The following MYT1L variants were observed in gnomAD, a reference collection of about 807,000 sequenced individuals.
MYT1L encodes myelin transcription factor 1-like protein.
A neutral mutation model predicts 126.7 loss-of-function variants in MYT1L; 12 were observed. That is an observed-to-expected ratio of 0.09 (90% CI 0.06 to 0.15). The LOEUF (loss-of-function observed/expected upper bound fraction) is 0.15, where lower values mean the gene tolerates loss of function less well. Ranked by LOEUF, MYT1L falls within the 10% of genes least tolerant of loss-of-function variation. The probability of loss-of-function intolerance (pLI) is 1.00; values close to 1 mark genes in which losing one functional copy is unlikely to be tolerated. For missense variants in MYT1L, 979 were observed against 1,585.2 expected (o/e 0.62, Z 6.49); for synonymous variants, 541 against 604.2 (o/e 0.90, Z 1.53).
intron 18 of MYT1L, among the ~76,000 whole-genome samples, chr2:1,874,405 T>C (rs188480212): frequency 5.4e-4 from 83 of 152,296 alleles, no homozygotes; most frequent in Admixed American, 3.5e-3. Flanking sequence ...TTGGTTAAGA[T>C]TGTCAAACTC....
chr2:2,322,268 C>G (rs1156936201), intron 1 of MYT1L, among the ~76,000 whole-genome samples: 1 of 151,616 alleles, frequency 6.6e-6, no homozygotes, highest in Non-Finnish European at 1.5e-5. Context: ...CCACACTGTC[C>G]AATGTTGCCT....
At position 2,130,645 on chromosome 2, in the gene MYT1L, G is replaced by A. The variant is rs112913048; in HGVS notation, c.-304+42227C>T. Among the ~76,000 whole-genome samples the A allele has an allele frequency of 5.3e-3, 813 of 152,240 alleles. 3 individuals carry two copies. Among genetic ancestry groups the A allele is most frequent in the South Asian group, 7.7e-3 (37 of 4,816 alleles). ...GCAGGTCATTTTGACCCAGAGAGGC[G>A]TCTGTATACATAATGGAGTAAGAAC... On this transcript the variant is annotated intron_variant, in intron 3 of 24. Coordinates refer to ENST00000647738, the MANE Select transcript of MYT1L (RefSeq NM_001303052.2).
intron 18 of MYT1L, among the ~76,000 whole-genome samples, chr2:1,869,017 CACTG>C (rs2045944380): frequency 6.6e-6 from 1 of 152,258 alleles, no homozygotes; most frequent in Non-Finnish European, 1.5e-5. Flanking sequence ...CACCAGCTGT[CACTG>C]AGCTTCCGCA....
chr2:1,902,340 A>C (rs966503966), intron 14 of MYT1L, among the ~76,000 whole-genome samples: 1 of 152,232 alleles, frequency 6.6e-6, no homozygotes, highest in Non-Finnish European at 1.5e-5. Context: ...TTGGTGCCAC[A>C]GCTGCCACAA....
intron 2 of MYT1L, among the ~76,000 whole-genome samples, chr2:2,283,257 T>TGAATTTCC (rs1261402314): frequency 1.3e-5 from 2 of 152,242 alleles, no homozygotes; most frequent in Non-Finnish European, 2.9e-5. Context: ...ACTGAATTTT[T>TGAATTTCC]GAATTTCCAG....
chr2:1,878,137 AC>A (rs1486475372), intron 18 of MYT1L, among the ~76,000 whole-genome samples: 1 of 152,204 alleles, frequency 6.6e-6, no homozygotes, highest in African/African-American at 2.4e-5. Context: ...ATGGTTTTTC[AC>A]AATAGTGTAA....
intron 2 of MYT1L, among the ~76,000 whole-genome samples, chr2:2,249,922 G>T (rs62118672): frequency 2.0e-5 from 3 of 152,040 alleles, no homozygotes; most frequent in African/African-American, 4.8e-5. Flanking sequence ...ATGAAAAGGT[G>T]TTCAACATTA....
chr2:2,319,936 C>T (rs1435038790), intron 1 of MYT1L, among the ~76,000 whole-genome samples: 1 of 152,066 alleles, frequency 6.6e-6, no homozygotes, highest in East Asian at 1.9e-4. Context: ...AAGGGAGGTG[C>T]TGACCTTAAG....
At chr2:1,930,200 C>T (rs1434367036) in intron 9 of MYT1L, among the ~76,000 whole-genome samples, 1 of 152,204 alleles carries the variant, frequency 6.6e-6, no homozygotes, top group African/African-American at 2.4e-5. Flanking sequence ...CTAAGTGCTA[C>T]ATGACACATT....
chr2:1,922,178 T>C lies in MYT1L; in HGVS notation c.1483+108A>G. 1 of 1,381,816 alleles carries C rather than the reference T, an allele frequency of 7.2e-7. No individual in the cohort carries two copies. The highest frequency in any genetic ancestry group is 2.4e-5 in the Admixed American group (1 of 41,482). 85.6% of individuals were successfully genotyped at this position (1,381,816 alleles called of 1,614,324 possible). On this transcript the variant is annotated intron_variant, in intron 10 of 24. Coordinates refer to ENST00000647738, the MANE Select transcript of MYT1L (RefSeq NM_001303052.2). The surrounding 1 kb of genome is among the most constrained non-coding windows in gnomAD (Gnocchi z 7.4). ...TGGAATCAACTCTAAGAATGTGCAGTAGAGACATAATTCAGTGTGAGTCAC... is the reference window on the plus strand; with the variant it reads ...TGGAATCAACTCTAAGAATGTGCAGCAGAGACATAATTCAGTGTGAGTCAC...
At chr2:1,897,164 A>G (rs1421669214) in intron 14 of MYT1L, among the ~76,000 whole-genome samples, 1 of 152,268 alleles carries the variant, frequency 6.6e-6, no homozygotes, top group Non-Finnish European at 1.5e-5. Flanking sequence ...TAAAACAAAA[A>G]TAAAAATAAG....
intron 2 of MYT1L, among the ~76,000 whole-genome samples, chr2:2,215,656 G>T (rs2148937940): frequency 6.6e-6 from 1 of 152,292 alleles, no homozygotes; most frequent in South Asian, 2.1e-4. Flanking sequence ...GATATAAGAG[G>T]TTTGAACACT....
chr2:1,851,102 T>G (rs2043207496), intron 19 of MYT1L, among the ~76,000 whole-genome samples: 1 of 152,184 alleles, frequency 6.6e-6, no homozygotes, highest in Non-Finnish European at 1.5e-5. Flanking sequence ...TGGTATAGAA[T>G]TTTTGTTATC....
rs1241201488 is a variant in MYT1L, at chr2:2,194,079, C to A, written c.-420-21091G>T. Among the ~76,000 whole-genome samples the A allele has an allele frequency of 2.0e-5, 3 of 150,774 alleles. No individual in the cohort carries two copies. The East Asian group carries it at 5.8e-4, about 29-fold the overall frequency. On this transcript the variant is annotated intron_variant, in intron 2 of 24. Transcript: ENST00000647738. The stretch of plus-strand genomic sequence containing the variant: ...TGATGGTTATTTTATAGCTATTATT[C>A]ATATATATATATATTTTTGAGATGG...
At chr2:2,070,109 A>G (rs771891916) in intron 3 of MYT1L, among the ~76,000 whole-genome samples, 9 of 152,066 alleles carry the variant, frequency 5.9e-5, no homozygotes, top group Non-Finnish European at 1.0e-4. Context: ...GAAAAATAAA[A>G]CAAAAATCTA....
intron 2 of MYT1L, among the ~76,000 whole-genome samples, chr2:2,267,800 T>C (rs1255535062): frequency 1.3e-5 from 2 of 152,034 alleles, no homozygotes; most frequent in South Asian, 4.2e-4. Context: ...GGATGTGAAA[T>C]TCGGCTGTGA....
At chr2:2,013,756 C>G (rs1574513571) in intron 4 of MYT1L, among the ~76,000 whole-genome samples, 1 of 152,224 alleles carries the variant, frequency 6.6e-6, no homozygotes, top group African/African-American at 2.4e-5. Context: ...GCCCTGCTGG[C>G]CCAGGTGGGC....
At chr2:1,963,992 A>T (rs943698206) in intron 8 of MYT1L, among the ~76,000 whole-genome samples, 1 of 152,202 alleles carries the variant, frequency 6.6e-6, no homozygotes. Context: ...CTTTTGGCCA[A>T]TATTGGCTTT....
chr2:2,239,125 G>A (rs1433343916), intron 2 of MYT1L, among the ~76,000 whole-genome samples: 2 of 152,202 alleles, frequency 1.3e-5, no homozygotes, highest in Admixed American at 6.5e-5. Context: ...ATGGCAATTC[G>A]AAACTAGCAC....
Sources: allele counts gnomAD v4.1 joint callset (sites outside exome capture counted in the v4.1 genomes callset), GRCh38; gene constraint gnomAD v4.1.1; non-coding constraint Gnocchi (gnomAD v3.1); transcripts MANE v1.5; gene names NCBI Gene and HGNC (gene_info 2026-07-23, HGNC 2026-07-21).